The following ZNF454 variants were observed in gnomAD, a reference collection of about 807,000 sequenced individuals.
ZNF454 encodes zinc finger protein 454.
A neutral mutation model predicts 48.2 loss-of-function variants in ZNF454; 30 were observed. The ratio of observed to expected loss-of-function variants is 0.62; its 90% CI spans 0.47 to 0.84. ZNF454 has a LOEUF of 0.84. Ranked by LOEUF, ZNF454 falls within the 40% of genes least tolerant of loss-of-function variation. ZNF454 has a pLI of 0.00. For missense variants in ZNF454, 510 were observed against 623.1 expected (o/e 0.82, Z 1.93); for synonymous variants, 204 against 211.4 (o/e 0.97, Z 0.30).
At chr5:178,953,161 C>T (rs6871003) in intron 4 of ZNF454, among the ~76,000 whole-genome samples, 15,621 of 152,054 alleles carry the variant, frequency 0.1, 1,073 homozygotes, top group African/African-American at 0.19. Flanking sequence ...TCTTTCTATA[C>T]GAAGTGAGGC....
the ZNF454 span, chr5:178,981,874 A>T: frequency 6.8e-7 from 1 of 1,469,586 alleles, no homozygotes; most frequent in Non-Finnish European, 9.5e-7. This position sits in a 1 kb window ranked among gnomAD's most constrained non-coding sequence, Gnocchi z 5.1. Context: ...GGAAGAGGGG[A>T]CCAGATGGGA....
chr5:178,988,831 C>T, the ZNF454 span: 2 of 916,752 alleles, frequency 2.2e-6, no homozygotes, highest in Non-Finnish European at 3.5e-6. The surrounding 1 kb of genome is among the most constrained non-coding windows in gnomAD (Gnocchi z 6.0). Flanking sequence ...TTAGACCACT[C>T]AGCCTCACCC....
chr5:178,952,839 TTTTG>T (rs796545110), intron 4 of ZNF454, among the ~76,000 whole-genome samples: 65 of 152,304 alleles, frequency 4.3e-4, no homozygotes, highest in African/African-American at 1.5e-3. Context: ...TCCTTTCTAT[TTTTG>T]TTTATTTTAT....
downstream of ZNF454, chr5:178,968,664 T>C: frequency 2.5e-6 from 1 of 404,928 alleles, no homozygotes; most frequent in South Asian, 1.8e-5. Context: ...CCACGTTCAC[T>C]GCTACAGATG....
At chr5:178,981,802 A>G in the ZNF454 span, 8 of 1,612,540 alleles carry the variant, frequency 5.0e-6, no homozygotes, top group Admixed American at 1.7e-5. The surrounding 1 kb of genome is among the most constrained non-coding windows in gnomAD (Gnocchi z 5.1). Context: ...GCCGAGGGAC[A>G]CCGAGGCACT....
chr5:178,978,797 C>A, the ZNF454 span: 2 of 152,182 alleles, frequency 1.3e-5, no homozygotes, highest in African/African-American at 4.8e-5. Flanking sequence ...ATAAGAGAAA[C>A]CACACTGGAA....
At chr5:178,986,935 C>T in the ZNF454 span, 2 of 1,613,992 alleles carry the variant, frequency 1.2e-6, no homozygotes, top group African/African-American at 2.7e-5. Flanking sequence ...GTCGTACCGC[C>T]CGGGCGCATC....
intron 4 of ZNF454, among the ~76,000 whole-genome samples, chr5:178,960,604 T>A (rs371055380): frequency 6.6e-6 from 1 of 151,794 alleles, no homozygotes; most frequent in Admixed American, 6.6e-5. Context: ...GAGGGTGCCA[T>A]ATGAACATTT....
chr5:178,958,294 A>G (rs1162917965), intron 4 of ZNF454, among the ~76,000 whole-genome samples: 3 of 152,218 alleles, frequency 2.0e-5, no homozygotes, highest in Non-Finnish European at 2.9e-5. Context: ...AAAGGTAACA[A>G]CTACTCTGGC....
chr5:178,949,022 C>A (rs1759452662), intron 4 of ZNF454, among the ~76,000 whole-genome samples: 1 of 150,924 alleles, frequency 6.6e-6, no homozygotes, highest in Non-Finnish European at 1.5e-5. Flanking sequence ...AGCTGCTTGC[C>A]ACTGCCTGGC....
chr5:178,967,742 C>CTTTTTTTTTTTTTT (rs10694687), downstream of ZNF454, among the ~76,000 whole-genome samples: 1 of 129,508 alleles, frequency 7.7e-6, no homozygotes, highest in Non-Finnish European at 1.6e-5. Context: ...TTTTCTTTTT[C>CTTTTTTTTTTTTTT]TTTTTTTTTT....
the ZNF454 span, chr5:178,986,106 G>A: frequency 6.2e-7 from 1 of 1,607,370 alleles, no homozygotes; most frequent in Non-Finnish European, 8.5e-7. Context: ...CCCTGCCCTG[G>A]CCCTTGGGAG....
At chr5:178,959,872 T>G (rs929861101) in intron 4 of ZNF454, among the ~76,000 whole-genome samples, 1 of 151,828 alleles carries the variant, frequency 6.6e-6, no homozygotes, top group African/African-American at 2.4e-5. Flanking sequence ...CCCAAAGTGC[T>G]GGGATTACAG....
chr5:178,962,332 G>A (rs1330182753), intron 4 of ZNF454, among the ~76,000 whole-genome samples: 1 of 151,350 alleles, frequency 6.6e-6, no homozygotes, highest in Non-Finnish European at 1.5e-5. Context: ...CCTAGCTGAG[G>A]TGCCTAGGTG....
chr5:178,966,885 A>G (rs1229830802), downstream of ZNF454, among the ~76,000 whole-genome samples: 1 of 152,098 alleles, frequency 6.6e-6, no homozygotes, highest in African/African-American at 2.4e-5. Flanking sequence ...GAGACGATTC[A>G]TTTGCCCCAA....
chr5:178,977,047 T>G, the ZNF454 span, among the ~76,000 whole-genome samples: 27 of 152,228 alleles, frequency 1.8e-4, no homozygotes, highest in African/African-American at 6.3e-4. Flanking sequence ...TGACAGGAGA[T>G]GGCTGGGACC....
downstream of ZNF454, among the ~76,000 whole-genome samples, chr5:178,967,817 G>GT (rs1332612210): frequency 5.6e-5 from 8 of 143,134 alleles, no homozygotes; most frequent in East Asian, 1.7e-3. Context: ...TCGGCTCACT[G>GT]TAACTTCCAC....
At chr5:178,974,508 C>T in the ZNF454 span, among the ~76,000 whole-genome samples, 56 of 152,086 alleles carry the variant, frequency 3.7e-4, no homozygotes, top group African/African-American at 1.3e-3. Context: ...TTAGTAGAGA[C>T]GGGGTTTCAC....
chr5:178,975,703 G>C, the ZNF454 span: 2 of 429,210 alleles, frequency 4.7e-6, no homozygotes, highest in South Asian at 3.2e-5. Flanking sequence ...AGTGCCTCAG[G>C]TGACGGTTAG....
Sources: allele counts gnomAD v4.1 joint callset (sites outside exome capture counted in the v4.1 genomes callset), GRCh38; gene constraint gnomAD v4.1.1; non-coding constraint Gnocchi (gnomAD v3.1); transcripts MANE v1.5; gene names NCBI Gene and HGNC (gene_info 2026-07-23, HGNC 2026-07-21).